MGAT4C: variants seen among roughly 807,000 people sequenced by gnomAD.
The protein encoded by MGAT4C is MGAT4 family member C, also known as alpha-1,3-mannosyl-glycoprotein 4-beta-N-acetylglucosaminyltransferase C.
A neutral mutation model predicts 40.1 loss-of-function variants in MGAT4C; 19 were observed. The observed-to-expected ratio is 0.47, with a 90% CI of 0.33 to 0.70. The LOEUF (loss-of-function observed/expected upper bound fraction) is 0.70. MGAT4C is among the 30% of genes least tolerant of loss of function. The pLI, the probability that MGAT4C is intolerant of heterozygous loss-of-function variation, is 0.02. For missense variants in MGAT4C, 491 were observed against 563.2 expected (o/e 0.87, Z 1.30); for synonymous variants, 181 against 187.1 (o/e 0.97, Z 0.27).
rs1338197834 is a variant in MGAT4C at position 85,976,328 on chromosome 12, A to G, written c.*2961T>C. 3.3e-5 allele frequency: 5 copies of G among 151,052 alleles called. No individual in the cohort carries two copies. The highest frequency in any genetic ancestry group is 9.7e-5 in the African/African-American group (4 of 41,362). The allele number at this position is 151,052 out of a possible 1,614,324, so 9.4% of individuals were successfully genotyped here. On this transcript the variant is annotated 3_prime_UTR_variant, in exon 5 of 5. Coordinates refer to ENST00000611864, the MANE Select transcript of MGAT4C (RefSeq NM_001351288.2). ...TCAATGAATATGAAAAAGTTCTTGC[A>G]TTAACATATTTTATGTATCTTTTAT...
chr12:86,394,006 T>TA (rs1219353637), intron 3 of MGAT4C, among the ~76,000 whole-genome samples: 11 of 152,242 alleles, frequency 7.2e-5, no homozygotes, highest in Non-Finnish European at 1.3e-4. Context: ...TTCTTCCTAG[T>TA]ATAAAGAACA....
At chr12:86,603,724 CTATATAATTA>C (rs1961920481) in intron 2 of MGAT4C, among the ~76,000 whole-genome samples, 1 of 124,860 alleles carries the variant, frequency 8.0e-6, no homozygotes, top group African/African-American at 3.0e-5. Flanking sequence ...AGACTATATA[CTATATAATTA>C]TATATACTAT....
At chr12:86,071,351 G>A (rs1268777652) in intron 1 of MGAT4C, among the ~76,000 whole-genome samples, 5 of 152,078 alleles carry the variant, frequency 3.3e-5, no homozygotes, top group African/African-American at 9.7e-5. Flanking sequence ...GAAAGATTTT[G>A]TTCAGACAGA....
rs1318473862 is a variant in MGAT4C, at chr12:85,969,021, G to A, written c.*10268C>T. On this transcript the variant is annotated 3_prime_UTR_variant, in exon 5 of 5. Coordinates refer to ENST00000611864, the MANE Select transcript of MGAT4C (RefSeq NM_001351288.2). ...TAGACTTGTAAGGATGTAATGTAGT[G>A]TTTCTAAAAGGAGTGAATGGACAAT... 1.3e-5 allele frequency: 2 copies of A among 151,764 alleles called. No individual in the cohort carries two copies. Among genetic ancestry groups the A allele is most frequent in the African/African-American group, 4.8e-5 (2 of 41,388 alleles). The allele number at this position is 151,764 out of a possible 1,614,324, so 9.4% of individuals were successfully genotyped here.
chr12:86,752,107 G>A (rs17014180), intron 1 of MGAT4C, among the ~76,000 whole-genome samples: 3,354 of 151,880 alleles, frequency 0.022, 122 homozygotes, highest in African/African-American at 0.075. Flanking sequence ...TGTAATGCTC[G>A]CCAAGTAAAA....
intron 1 of MGAT4C, among the ~76,000 whole-genome samples, chr12:86,063,522 CA>C (rs757525956): frequency 1.4e-4 from 21 of 152,156 alleles, no homozygotes; most frequent in Non-Finnish European, 2.1e-4. Context: ...TCACACATAA[CA>C]ATATTAATTT....
intron 1 of MGAT4C, among the ~76,000 whole-genome samples, chr12:86,765,805 C>T (rs1739768164): frequency 6.6e-6 from 1 of 152,098 alleles, no homozygotes; most frequent in African/African-American, 2.4e-5. Flanking sequence ...ACTTTACAGA[C>T]AAGCAAATGC....
At chr12:86,376,828 GAGAGAGAGAGAGAGAC>G (rs1565716093) in intron 3 of MGAT4C, among the ~76,000 whole-genome samples, 4 of 115,958 alleles carry the variant, frequency 3.4e-5, no homozygotes, top group East Asian at 2.5e-4. Flanking sequence ...CAGAGAGAGA[GAGAGAGAGAGAGAGAC>G]AGAGAGAGAG....
At chr12:86,048,736 T>G (rs1892636707) in intron 2 of MGAT4C, among the ~76,000 whole-genome samples, 1 of 151,936 alleles carries the variant, frequency 6.6e-6, no homozygotes, top group African/African-American at 2.4e-5. Context: ...ACATAATATA[T>G]CCAGTCATAT....
intron 4 of MGAT4C, among the ~76,000 whole-genome samples, chr12:86,299,030 A>G (rs533009724): frequency 6.6e-6 from 1 of 152,346 alleles, no homozygotes; most frequent in South Asian, 2.1e-4. Flanking sequence ...GTTGGGAATA[A>G]ATATGCTCTT....
At chr12:86,731,545 G>T (rs972347995) in intron 1 of MGAT4C, among the ~76,000 whole-genome samples, 3 of 150,884 alleles carry the variant, frequency 2.0e-5, no homozygotes, top group African/African-American at 7.3e-5. Flanking sequence ...CAGTACCTTC[G>T]TTTATTGTTG....
At chr12:86,178,278 T>C (rs1887718906) in intron 1 of MGAT4C, among the ~76,000 whole-genome samples, 1 of 152,204 alleles carries the variant, frequency 6.6e-6, no homozygotes, top group Admixed American at 6.5e-5. Context: ...TTTTTTATGA[T>C]GATGTGAGAA....
chr12:86,449,642 G>T (rs977398671), intron 2 of MGAT4C, among the ~76,000 whole-genome samples: 8 of 152,028 alleles, frequency 5.3e-5, no homozygotes, highest in African/African-American at 9.7e-5. Flanking sequence ...AACTAAGTCT[G>T]TTTTTGAAAT....
intron 1 of MGAT4C, among the ~76,000 whole-genome samples, chr12:86,765,002 C>A (rs1951478521): frequency 6.6e-6 from 1 of 152,172 alleles, no homozygotes; most frequent in Non-Finnish European, 1.5e-5. Context: ...AGCAATGGAA[C>A]AAAGCTGGAC....
At chr12:86,793,804 A>T (rs1219927282) in intron 1 of MGAT4C, among the ~76,000 whole-genome samples, 1 of 152,058 alleles carries the variant, frequency 6.6e-6, no homozygotes, top group Non-Finnish European at 1.5e-5. Flanking sequence ...GCCACCAGCC[A>T]CAATCTGTAA....
chr12:86,162,226 A>G (rs2135803078), intron 1 of MGAT4C, among the ~76,000 whole-genome samples: 1 of 152,328 alleles, frequency 6.6e-6, no homozygotes, highest in Middle Eastern at 3.4e-3. Flanking sequence ...TCAAAATAGC[A>G]AAGACATGAA....
At chr12:86,131,668 C>T (rs1030810814) in intron 1 of MGAT4C, among the ~76,000 whole-genome samples, 4 of 151,702 alleles carry the variant, frequency 2.6e-5, no homozygotes, top group African/African-American at 4.8e-5. Flanking sequence ...CTTACGAGAC[C>T]CTTAATTCTT....
At chr12:86,193,022 A>G (rs908370102) in intron 1 of MGAT4C, among the ~76,000 whole-genome samples, 1 of 151,546 alleles carries the variant, frequency 6.6e-6, no homozygotes, top group Non-Finnish European at 1.5e-5. Context: ...GTATATATTT[A>G]TTTTCAGTTG....
chr12:86,498,250 C>T (rs536352601), intron 2 of MGAT4C, among the ~76,000 whole-genome samples: 46 of 151,510 alleles, frequency 3.0e-4, no homozygotes, highest in Admixed American at 4.0e-4. Context: ...GTATATGCAG[C>T]CAACCTAATC....
Sources: gnomAD v4.1 joint callset for allele counts (sites outside exome capture counted in the v4.1 genomes callset) on GRCh38, gnomAD v4.1.1 for gene constraint, MANE v1.5 for transcripts, NCBI Gene and HGNC (gene_info 2026-07-23, HGNC 2026-07-21) for gene names.